The following AK8 variants were observed in gnomAD, a reference collection of about 807,000 sequenced individuals.
AK8 encodes ATP-AMP transphosphorylase 8.
AK8 carries 44 observed loss-of-function variants against 54.6 expected under a neutral mutation model. The ratio of observed to expected loss-of-function variants is 0.81; its 90% CI spans 0.63 to 1.04. AK8 has a LOEUF of 1.04. Ranked by LOEUF, AK8 falls within the 50% of genes least tolerant of loss-of-function variation. The pLI, the probability that AK8 is intolerant of heterozygous loss-of-function variation, is 0.00. For synonymous variants in AK8, 239 were observed against 245.6 expected (o/e 0.97, Z 0.25); for missense variants, 555 against 613.6 (o/e 0.90, Z 1.01).
chr9:132,850,588 G>C (rs889051780), intron 5 of AK8, among the ~76,000 whole-genome samples: 33 of 152,176 alleles, frequency 2.2e-4, no homozygotes, highest in Non-Finnish European at 4.4e-4. Flanking sequence ...AGTAAAGACA[G>C]GGTTTTGCCA....
chr9:132,730,218 G>C (rs760017492), intron 11 of AK8, among the ~76,000 whole-genome samples: 15 of 152,206 alleles, frequency 9.9e-5, no homozygotes, highest in Non-Finnish European at 1.9e-4. Context: ...GAATTCTCCA[G>C]ATGTGTTGAG....
intron 10 of AK8, among the ~76,000 whole-genome samples, chr9:132,794,864 A>G (rs145987184): frequency 0.013 from 1,994 of 151,780 alleles, 43 homozygotes; most frequent in African/African-American, 0.045. Flanking sequence ...GCAGTCTCTC[A>G]CTCTCTGAGC....
chr9:132,869,448 T>C (rs1338282945), intron 2 of AK8, among the ~76,000 whole-genome samples: 1 of 152,206 alleles, frequency 6.6e-6, no homozygotes, highest in African/African-American at 2.4e-5. Flanking sequence ...AAGCAGGCCC[T>C]GCGGAGCTGC....
In AK8 at chr9:132,738,506, A is replaced by C. The variant is rs149705830; in HGVS notation, c.1122-10972T>G. On this transcript the variant is annotated intron_variant, in intron 11 of 12. Coordinates refer to ENST00000298545, the MANE Select transcript of AK8 (RefSeq NM_152572.3). ...TGATCACAATAAATATGTCCTTTAT[A>C]GCTCAGGGTAAATTCAAACATTCAT... Among the ~76,000 whole-genome samples the C allele has an allele frequency of 2.0e-4, 30 of 152,226 alleles. No individual in the cohort carries two copies. The East Asian group carries it at 5.2e-3, about 26-fold the overall frequency.
intron 2 of AK8, 109 bp from the exon 3 acceptor site, chr9:132,867,062 C>A (rs1843629988): frequency 9.4e-7 from 1 of 1,061,206 alleles, no homozygotes; most frequent in Non-Finnish European, 1.5e-6. Flanking sequence ...TCATTTTCTG[C>A]CAGTGACACG....
intron 11 of AK8, among the ~76,000 whole-genome samples, chr9:132,785,312 C>T (rs215158): frequency 0.54 from 82,731 of 151,858 alleles, 25,304 homozygotes; most frequent in East Asian, 0.81. Flanking sequence ...CCATATTGTC[C>T]AGGCAGGTCT....
intron 5 of AK8, among the ~76,000 whole-genome samples, chr9:132,850,551 C>T (rs568494111): frequency 2.6e-5 from 4 of 152,302 alleles, no homozygotes; most frequent in Non-Finnish European, 4.4e-5. Flanking sequence ...GCACCCACCA[C>T]CATGCCCAGC....
intron 11 of AK8, among the ~76,000 whole-genome samples, chr9:132,768,044 G>A (rs1838795555): frequency 6.6e-6 from 1 of 152,154 alleles, no homozygotes; most frequent in Admixed American, 6.5e-5. Context: ...TAGCACAGTA[G>A]GGGGACTATG....
chr9:132,807,257 G>A (rs758568756), intron 10 of AK8, among the ~76,000 whole-genome samples: 3 of 152,318 alleles, frequency 2.0e-5, no homozygotes, highest in Admixed American at 6.5e-5. Flanking sequence ...CGAGCCAGTT[G>A]GGCAGGTGTT....
At chr9:132,785,384 G>A (rs1001079360) in intron 11 of AK8, among the ~76,000 whole-genome samples, 3 of 152,234 alleles carry the variant, frequency 2.0e-5, no homozygotes, top group Non-Finnish European at 4.4e-5. Context: ...TTACAGGCGT[G>A]AGCCACCACG....
intron 5 of AK8, among the ~76,000 whole-genome samples, chr9:132,846,636 C>T (rs1405286695): frequency 2.0e-5 from 3 of 152,208 alleles, no homozygotes; most frequent in Admixed American, 6.5e-5. Context: ...AGTGGAGGAA[C>T]ATATCAGGTG....
At chr9:132,746,424 G>A (rs1023591121) in intron 11 of AK8, among the ~76,000 whole-genome samples, 9 of 152,210 alleles carry the variant, frequency 5.9e-5, no homozygotes, top group African/African-American at 1.7e-4. Context: ...GGAATGCATG[G>A]CCAAGGGCAG....
intron 5 of AK8, among the ~76,000 whole-genome samples, chr9:132,834,477 A>G (rs1268418508): frequency 1.3e-5 from 2 of 152,180 alleles, no homozygotes; most frequent in African/African-American, 4.8e-5. Flanking sequence ...CCCAAACAAT[A>G]TGCAACCCCT....
In AK8 at chr9:132,803,641, G is replaced by A. The variant is rs1013826585; in HGVS notation, c.980-10866C>T. On this transcript the variant is annotated intron_variant, in intron 10 of 12. Coordinates refer to ENST00000298545, the MANE Select transcript of AK8 (RefSeq NM_152572.3). This position sits in a 1 kb window ranked among gnomAD's most constrained non-coding sequence, Gnocchi z 4.4. ...AAACTGAAGGGAGCTCTGAGGGGGC[G>A]CATGGCTTGCCCAGGAGCACAGCTG... is the stretch of plus-strand genomic sequence containing the variant. Among the ~76,000 whole-genome samples the A allele has an allele frequency of 3.3e-5, 5 of 152,172 alleles. No homozygotes were observed. The highest frequency in any genetic ancestry group is 7.3e-5 in the Non-Finnish European group (5 of 68,028).
rs866903749 is a variant in AK8 at position 132,725,780 on chromosome 9, C to T, written c.1348G>A (p.Ala450Thr). 1 of 1,601,164 alleles carries T rather than the reference C, an allele frequency of 6.2e-7. No homozygotes were observed. The highest frequency in any genetic ancestry group is 1.7e-5 in the Admixed American group (1 of 57,560). The change falls in exon 13 of 13, where the codon GCC becomes ACC. Residue 450 changes from alanine (A) to threonine (T), a missense_variant. By Grantham distance (58) the Ala-to-Thr change is moderately conservative (BLOSUM62 0). Transcript: ENST00000298545. ...SADLEQLYGS[A>T]ITLNGDQDPY... ...TCCTGGTCCCCATTGAGGGTGATGG[C>T]CGACCCATACAACTGCTCCAAGTCA... is the stretch of plus-strand genomic sequence containing the variant.
At chr9:132,785,587 C>A (rs911240376) in intron 11 of AK8, among the ~76,000 whole-genome samples, 1 of 152,064 alleles carries the variant, frequency 6.6e-6, no homozygotes, top group Admixed American at 6.5e-5. Flanking sequence ...AAACACATCC[C>A]ATAAAGAAAA....
intron 11 of AK8, among the ~76,000 whole-genome samples, chr9:132,785,371 G>A (rs893713301): frequency 2.6e-5 from 4 of 152,154 alleles, no homozygotes; most frequent in African/African-American, 9.7e-5. Flanking sequence ...CAAAGTGCTG[G>A]GATTACAGGC....
chr9:132,872,131 A>G (rs779730161), intron 2 of AK8, among the ~76,000 whole-genome samples: 6 of 152,014 alleles, frequency 3.9e-5, no homozygotes, highest in Non-Finnish European at 7.4e-5. Flanking sequence ...GCCTAGGAGC[A>G]GGGACCAGCC....
At chr9:132,864,474 G>A (rs1363582773) in intron 3 of AK8, among the ~76,000 whole-genome samples, 1 of 152,164 alleles carries the variant, frequency 6.6e-6, no homozygotes, top group Non-Finnish European at 1.5e-5. Context: ...CCCCTCAACA[G>A]AGCTGACTGT....
Sources: allele counts gnomAD v4.1 joint callset (sites outside exome capture counted in the v4.1 genomes callset), GRCh38; gene constraint gnomAD v4.1.1; non-coding constraint Gnocchi (gnomAD v3.1); transcripts MANE v1.5; gene names NCBI Gene and HGNC (gene_info 2026-07-23, HGNC 2026-07-21).